The following PRRC2C variants were observed in gnomAD, a reference collection of about 807,000 sequenced individuals.
PRRC2C encodes protein PRRC2C.
Under a neutral mutation model 317.2 loss-of-function variants are expected in PRRC2C, and 72 were observed. That is an observed-to-expected ratio of 0.23 (90% CI 0.19 to 0.28). The LOEUF is 0.28. Among genes scored for constraint, PRRC2C ranks in the 10% least tolerant of loss-of-function variants. The pLI, the probability that PRRC2C is intolerant of heterozygous loss-of-function variation, is 1.00. For missense variants in PRRC2C, 3,074 were observed against 3,459.7 expected (o/e 0.89, Z 2.80); for synonymous variants, 1,296 against 1,205.9 (o/e 1.07, Z -1.55).
chr1:171,494,045 T>C (rs1330604717), intron 1 of PRRC2C, among the ~76,000 whole-genome samples: 1 of 152,240 alleles, frequency 6.6e-6, no homozygotes, highest in Non-Finnish European at 1.5e-5. Flanking sequence ...CTACTAAATA[T>C]TAGAGCTAGA....
At chr1:171,545,809 A>G (rs1679013960) in intron 17 of PRRC2C, 122 bp downstream of exon 17, 3 of 648,904 alleles carry the variant, frequency 4.6e-6, no homozygotes, top group African/African-American at 3.9e-5. Context: ...AAAGATTTGG[A>G]CATTCAAGGT....
intron 16 of PRRC2C, among the ~76,000 whole-genome samples, chr1:171,543,901 AG>A (rs2102519889): frequency 6.6e-6 from 1 of 152,302 alleles, no homozygotes; most frequent in East Asian, 1.9e-4. Context: ...TCACATGGTG[AG>A]GGGGCTCACA....
At chr1:171,534,474 T>TC (rs1676453900) in intron 12 of PRRC2C, among the ~76,000 whole-genome samples, 1 of 145,486 alleles carries the variant, frequency 6.9e-6, no homozygotes. Context: ...GATTTTTTTT[T>TC]CCCCCCTCAA....
At chr1:171,543,568 T>C (rs1237476831) in intron 16 of PRRC2C, among the ~76,000 whole-genome samples, 1 of 152,184 alleles carries the variant, frequency 6.6e-6, no homozygotes, top group Non-Finnish European at 1.5e-5. Context: ...TAAGTAATCA[T>C]TATTATGTGT....
Position 171,517,821 on chromosome 1 carries a change from A to G in PRRC2C, c.750+7A>G, listed in dbSNP as rs368187412. 8.4e-5 allele frequency: 135 copies of G among 1,603,198 alleles called. No individual in the cohort carries two copies. Among genetic ancestry groups the G allele is most frequent in the Non-Finnish European group, 1.1e-4 (131 of 1,172,694 alleles). ...AGCTATGATGCCTCCTTATGTGAGTATTGTTAAATGAACAAGCATTCAAAC... is the reference window on the plus strand; with the variant it reads ...AGCTATGATGCCTCCTTATGTGAGTGTTGTTAAATGAACAAGCATTCAAAC... On this transcript the variant is annotated splice_region_variant and intron_variant, in intron 6 of 34. Coordinates refer to ENST00000647382, the MANE Select transcript of PRRC2C (RefSeq NM_001387844.1).
intron 1 of PRRC2C, among the ~76,000 whole-genome samples, chr1:171,490,581 A>G (rs1238605984): frequency 1.1e-4 from 16 of 152,242 alleles, no homozygotes; most frequent in Admixed American, 1.0e-3. Flanking sequence ...GATGTCTAGG[A>G]CAGTCTATGG....
Position 171,557,922 on chromosome 1 carries a change from A to T in PRRC2C, c.5810A>T (p.Gln1937Leu), listed in dbSNP as rs765562372. The change falls in exon 19 of 35, where the codon CAG becomes CTG. Residue 1937 changes from glutamine (Q) to leucine (L), a missense_variant. Physicochemically the swap from Gln to Leu is moderately radical, Grantham distance 113. This residue lies in a region of PRRC2C where 640 missense variants were observed against 676.1 expected (regional missense o/e 0.95). Transcript: ENST00000647382. ...CCTGCCCCAGCCCAGACTCAGGCACAGACCCACAAACCAGTCCAGAATCCA... is the reference window on the plus strand; with the variant it reads ...CCTGCCCCAGCCCAGACTCAGGCACTGACCCACAAACCAGTCCAGAATCCA... ...APPAPAQTQA[Q>L]THKPVQNPLQ... 9 of 1,574,276 alleles carry T rather than the reference A, an allele frequency of 5.7e-6. No individual in the cohort carries two copies. The South Asian group carries it at 8.1e-5, about 14-fold the overall frequency.
At chr1:171,496,981 A>G (rs1465740405) in intron 1 of PRRC2C, among the ~76,000 whole-genome samples, 2 of 151,854 alleles carry the variant, frequency 1.3e-5, no homozygotes, top group African/African-American at 4.8e-5. Context: ...GGTAGAGACA[A>G]GGTCTCTCCA....
intron 6 of PRRC2C, among the ~76,000 whole-genome samples, chr1:171,519,883 ATTG>A (rs1029310487): frequency 3.1e-4 from 47 of 152,126 alleles, no homozygotes; most frequent in African/African-American, 1.1e-3. Context: ...TCTTCTCTGT[ATTG>A]TTCCAATTTT....
intron 25 of PRRC2C, among the ~76,000 whole-genome samples, chr1:171,576,828 G>A (rs1023289101): frequency 6.6e-6 from 1 of 152,018 alleles, no homozygotes; most frequent in Non-Finnish European, 1.5e-5. Flanking sequence ...AAGTAGCTGC[G>A]ACTACAGGCA....
At chr1:171,579,492 T>C in intron 27 of PRRC2C, 26 bp downstream of exon 27, 1 of 1,609,518 alleles carries the variant, frequency 6.2e-7, no homozygotes, top group South Asian at 1.1e-5. Flanking sequence ...TCTTCCATCC[T>C]GTATTTGTTC....
intron 1 of PRRC2C, among the ~76,000 whole-genome samples, chr1:171,502,471 A>G (rs924685374): frequency 1.1e-4 from 17 of 152,124 alleles, no homozygotes; most frequent in Non-Finnish European, 2.2e-4. Flanking sequence ...GACCTTTGCT[A>G]TCCTATCCAA....
chr1:171,537,238 A>G, intron 14 of PRRC2C, 25 bp from the exon 15 acceptor site: 3 of 1,522,192 alleles, frequency 2.0e-6, no homozygotes, highest in Non-Finnish European at 2.7e-6. Context: ...TCCTCATTTC[A>G]CCTTTTTCTG....
intron 15 of PRRC2C, among the ~76,000 whole-genome samples, chr1:171,538,488 T>C (rs1677281808): frequency 4.6e-5 from 7 of 152,236 alleles, no homozygotes. Flanking sequence ...TAATAATTTA[T>C]AGCCATACAG....
Position 171,565,934 on chromosome 1 carries a change from C to A in PRRC2C, c.6118-299C>A, listed in dbSNP as rs577062218. On this transcript the variant is annotated intron_variant, in intron 20 of 34. Coordinates refer to ENST00000647382, the MANE Select transcript of PRRC2C (RefSeq NM_001387844.1). ...TTGGTAGTGGTGTCTTTGTGTGTTG[C>A]TTTTACGTTTGTTTTAAATGAGGAA... is the stretch of plus-strand genomic sequence containing the variant. Among the ~76,000 whole-genome samples the A allele has an allele frequency of 1.1e-3, 163 of 152,166 alleles. 1 individual carries two copies. Among genetic ancestry groups the A allele is most frequent in the Middle Eastern group, 3.4e-3 (1 of 294 alleles).
chr1:171,515,011 A>G (rs1055064373), intron 4 of PRRC2C, among the ~76,000 whole-genome samples: 4 of 152,256 alleles, frequency 2.6e-5, no homozygotes, highest in African/African-American at 4.8e-5. Flanking sequence ...CCTGTTTCAG[A>G]CATGCTGCCA....
chr1:171,508,168 T>A (rs1367267746), intron 1 of PRRC2C, among the ~76,000 whole-genome samples: 1 of 152,230 alleles, frequency 6.6e-6, no homozygotes, highest in African/African-American at 2.4e-5. Flanking sequence ...TGCTAGTCCT[T>A]CCAGCACTGT....
chr1:171,517,648 A>G lies in PRRC2C; in HGVS notation c.584A>G (p.Gln195Arg), dbSNP rs774354848. ...GCTGGCTCACCTTCGTCATCTGATCAAGATGAAAAGCTCCCTGGCCAGGAT... is the reference window on the plus strand; with the variant it reads ...GCTGGCTCACCTTCGTCATCTGATCGAGATGAAAAGCTCCCTGGCCAGGAT... ...KAAGSPSSSD[Q>R]DEKLPGQDES... Residue 195 changes from glutamine to arginine, a missense_variant, in exon 6 of 35, where the codon CAA (glutamine) becomes CGA (arginine). Coordinates refer to ENST00000647382, the MANE Select transcript of PRRC2C (RefSeq NM_001387844.1). 1.9e-6 allele frequency: 3 copies of G among 1,613,150 alleles called. No individual in the cohort carries two copies. The South Asian group carries it at 3.3e-5, about 18-fold the overall frequency.
chr1:171,577,771 A>ATAATTTTTTTTTTTTTTT (rs72021003), intron 26 of PRRC2C, 134 bp downstream of exon 26: 2 of 257,500 alleles, frequency 7.8e-6, no homozygotes, highest in Non-Finnish European at 1.2e-5. Context: ...TTAAATTCGC[A>ATAATTTTTTTTTTTTTTT]TTTTTTTTTT....
Sources: allele counts gnomAD v4.1 joint callset (sites outside exome capture counted in the v4.1 genomes callset), GRCh38; gene constraint gnomAD v4.1.1; regional missense constraint gnomAD v4.1.1; transcripts MANE v1.5; gene names NCBI Gene and HGNC (gene_info 2026-07-23, HGNC 2026-07-21).